The following F13A1 variants were observed in gnomAD, a reference collection of about 807,000 sequenced individuals.
F13A1 encodes the protein FSF, A subunit.
A neutral mutation model predicts 80.1 loss-of-function variants in F13A1; 47 were observed. The ratio of observed to expected loss-of-function variants is 0.59; its 90% CI spans 0.46 to 0.75. The LOEUF (loss-of-function observed/expected upper bound fraction) is 0.75, where lower values mean the gene tolerates loss of function less well. F13A1 is among the 30% of genes least tolerant of loss of function. The pLI, the probability that F13A1 is intolerant of heterozygous loss-of-function variation, is 0.00. For synonymous variants in F13A1, 349 were observed against 344.9 expected (o/e 1.01, Z -0.13); for missense variants, 817 against 930.4 (o/e 0.88, Z 1.59).
At chr6:6,251,324 C>A (rs991111648) in intron 4 of F13A1, among the ~76,000 whole-genome samples, 1 of 152,238 alleles carries the variant, frequency 6.6e-6, no homozygotes, top group East Asian at 1.9e-4. Context: ...TAATAGAAAA[C>A]TAGATGAATT....
chr6:6,320,503 G>T (rs1758760347), intron 1 of F13A1, 84 bp downstream of exon 1: 3 of 372,696 alleles, frequency 8.0e-6, no homozygotes, highest in South Asian at 4.1e-5. Flanking sequence ...AGAGCAAGCC[G>T]CTTGCTGGTT....
At chr6:6,184,833 G>A (rs142924362) in intron 10 of F13A1, among the ~76,000 whole-genome samples, 19 of 152,254 alleles carry the variant, frequency 1.2e-4, no homozygotes, top group Admixed American at 6.5e-4. Flanking sequence ...GAGAGGAGAC[G>A]AGAAACACCT....
intron 13 of F13A1, among the ~76,000 whole-genome samples, chr6:6,164,849 C>T (rs369555085): frequency 1.3e-5 from 2 of 151,372 alleles, no homozygotes. Flanking sequence ...CCTTCCCCTC[C>T]CTCCTTCCCT....
At chr6:6,151,431 G>A (rs4416718) in intron 14 of F13A1, among the ~76,000 whole-genome samples, 32,269 of 152,006 alleles carry the variant, frequency 0.21, 3,508 homozygotes, top group Middle Eastern at 0.28. Context: ...GAGACCATAC[G>A]TGAGTAGGTA....
At chr6:6,278,322 G>A (rs1207558051) in intron 3 of F13A1, among the ~76,000 whole-genome samples, 3 of 152,154 alleles carry the variant, frequency 2.0e-5, no homozygotes, top group South Asian at 2.1e-4. Context: ...GGACAGAGAG[G>A]GTCAGAGCTG....
rs777280256 is a variant in F13A1, at chr6:6,167,534, G to C, written c.1832C>G (p.Ala611Gly). ...AACATCCCTGGTCTCATTGATGCGAGCTGTGACAAAGAAGTGCAGGGACGC... is the reference window on the plus strand; with the variant it reads ...AACATCCCTGGTCTCATTGATGCGACCTGTGACAAAGAAGTGCAGGGACGC... ...EQASLHFFVT[A>G]RINETRDVLA... The change falls in exon 13 of 15, where the codon GCT (alanine) becomes GGT (glycine). Residue 611 changes from alanine (A) to glycine (G), a missense_variant. Transcript: ENST00000264870. The C allele has an allele frequency of 1.2e-4, 196 of 1,613,980 alleles. No homozygotes were observed. The highest frequency in any genetic ancestry group is 1.6e-4 in the Non-Finnish European group (191 of 1,180,020).
At chr6:6,256,528 A>G (rs1757706035) in intron 4 of F13A1, among the ~76,000 whole-genome samples, 1 of 152,114 alleles carries the variant, frequency 6.6e-6, no homozygotes, top group African/African-American at 2.4e-5. Flanking sequence ...TTGCAGGCTG[A>G]CTAACAATTT....
intron 10 of F13A1, among the ~76,000 whole-genome samples, chr6:6,192,540 A>G (rs1328182330): frequency 3.3e-5 from 5 of 152,258 alleles, no homozygotes; most frequent in African/African-American, 1.2e-4. Context: ...ATTTGAATAA[A>G]TGACTGGATT....
intron 3 of F13A1, among the ~76,000 whole-genome samples, chr6:6,280,648 C>T (rs975374309): frequency 6.6e-6 from 1 of 152,074 alleles, no homozygotes; most frequent in African/African-American, 2.4e-5. Flanking sequence ...GTAAAGAAAC[C>T]GTATTGAGGT....
At position 6,222,163 on chromosome 6, in the gene F13A1, A is replaced by T. The variant is rs997633697; in HGVS notation, c.982T>A (p.Cys328Ser). ...ACAATTCTTGCTGGTATTCCAAGGC[A>T]TCGTAAAACTACAGGAAAGGACAGA... Reference protein sequence around the residue: ...FAGVFNTFLRCLGIPARIVTN... With the variant: ...FAGVFNTFLRSLGIPARIVTN... The change falls in exon 8 of 15, where the codon TGC (cysteine) becomes AGC (serine). Residue 328 changes from cysteine (C) to serine (S), a missense_variant. Transcript: ENST00000264870. The T allele has an allele frequency of 1.9e-6, 3 of 1,613,958 alleles. No homozygotes were observed. The African/African-American group carries it at 4.0e-5, about 22-fold the overall frequency.
At chr6:6,239,803 A>T (rs1757462189) in intron 6 of F13A1, among the ~76,000 whole-genome samples, 1 of 150,416 alleles carries the variant, frequency 6.6e-6, no homozygotes, top group East Asian at 2.0e-4. Context: ...GCTGGTATAG[A>T]ACAGGCCTCA....
chr6:6,270,642 A>G (rs1757908517), intron 3 of F13A1, among the ~76,000 whole-genome samples: 1 of 152,200 alleles, frequency 6.6e-6, no homozygotes, highest in African/African-American at 2.4e-5. Context: ...TCACATAGCT[A>G]GGCAGAAGTG....
At position 6,206,440 on chromosome 6, in the gene F13A1, C is replaced by T. The variant is rs1335203077; in HGVS notation, c.1113-9114G>A. 1.3e-5 allele frequency: 6 copies of T among 469,400 alleles called. No individual in the cohort carries two copies. In the East Asian group the frequency reaches 4.2e-4, roughly 33 times the overall value. The allele number at this position is 469,400 out of a possible 1,614,324, so 29.1% of individuals were successfully genotyped here. A position where few individuals can be genotyped will look rare whatever the true frequency, so the allele number is the denominator to read the frequency against. Reference sequence around the variant, plus strand: ...TTCTATGTGGTTTATTAAATGATTCCCACTTTTTTTCCCTTTCTGCCTAAT... The same window carrying T: ...TTCTATGTGGTTTATTAAATGATTCTCACTTTTTTTCCCTTTCTGCCTAAT... On this transcript the variant is annotated intron_variant, in intron 8 of 14. Coordinates refer to ENST00000264870, the MANE Select transcript of F13A1 (RefSeq NM_000129.4).
chr6:6,264,893 A>G (rs1450914547), intron 4 of F13A1, among the ~76,000 whole-genome samples: 1 of 152,162 alleles, frequency 6.6e-6, no homozygotes, highest in Non-Finnish European at 1.5e-5. Flanking sequence ...TGTTGGGTAC[A>G]ATATGATGAG....
At chr6:6,318,330 A>C (rs1758715609) in intron 2 of F13A1, among the ~76,000 whole-genome samples, 1 of 152,244 alleles carries the variant, frequency 6.6e-6, no homozygotes, top group South Asian at 2.1e-4. Flanking sequence ...AAGGGGCAGA[A>C]CTGGGACAAG....
chr6:6,283,160 T>A (rs1251350289), intron 3 of F13A1, among the ~76,000 whole-genome samples: 2 of 152,178 alleles, frequency 1.3e-5, no homozygotes, highest in Non-Finnish European at 2.9e-5. Context: ...TAACATCAAG[T>A]GAGGAAACAT....
intron 6 of F13A1, among the ~76,000 whole-genome samples, chr6:6,228,259 C>A (rs1757302955): frequency 6.6e-6 from 1 of 152,080 alleles, no homozygotes; most frequent in East Asian, 1.9e-4. Flanking sequence ...ATTTCAAAAA[C>A]CCCTAAAAGT....
At chr6:6,305,225 G>A (rs7745910) in intron 3 of F13A1, 126 bp downstream of exon 3, 12 of 1,057,096 alleles carry the variant, frequency 1.1e-5, no homozygotes, top group Non-Finnish European at 1.5e-5. Flanking sequence ...TCAGGGGCTG[G>A]ATGTCATTCC....
chr6:6,252,063 TCCCAC>T (rs1169267902), intron 4 of F13A1, among the ~76,000 whole-genome samples: 2 of 151,756 alleles, frequency 1.3e-5, no homozygotes, highest in East Asian at 1.9e-4. Flanking sequence ...TAAAAAAAAA[TCCCAC>T]AGTGGTTAGA....
Sources: gnomAD v4.1 joint callset for allele counts (sites outside exome capture counted in the v4.1 genomes callset) on GRCh38, gnomAD v4.1.1 for gene constraint, MANE v1.5 for transcripts, NCBI Gene and HGNC (gene_info 2026-07-23, HGNC 2026-07-21) for gene names.